NAALADL2: variants seen among roughly 807,000 people sequenced by gnomAD.
NAALADL2 encodes the protein N-acetylated alpha-linked acidic dipeptidase like 2.
A neutral mutation model predicts 87.2 loss-of-function variants in NAALADL2; 76 were observed. That is an observed-to-expected ratio of 0.87 (90% confidence interval 0.72 to 1.05). The LOEUF is 1.05. Among genes scored for constraint, NAALADL2 ranks in the 50% least tolerant of loss-of-function variants. The pLI, the probability that NAALADL2 is intolerant of heterozygous loss-of-function variation, is 0.00. For synonymous variants in NAALADL2, 354 were observed against 331.0 expected (o/e 1.07, Z -0.75); for missense variants, 1,089 against 945.8 (o/e 1.15, Z -1.99).
chr3:174,598,061 G>T (rs1329568073), intron 2 of NAALADL2, among the ~76,000 whole-genome samples: 1 of 151,918 alleles, frequency 6.6e-6, no homozygotes, highest in Non-Finnish European at 1.5e-5. Flanking sequence ...TTCAGTATTT[G>T]CCAGTTAGCT....
At chr3:174,853,947 T>C (rs1725565744) in intron 3 of NAALADL2, among the ~76,000 whole-genome samples, 1 of 152,086 alleles carries the variant, frequency 6.6e-6, no homozygotes, top group South Asian at 2.1e-4. Context: ...TAAATTATTA[T>C]AGTCAGTATG....
At chr3:175,008,722 G>A (rs935116839) in intron 1 of NAALADL2, among the ~76,000 whole-genome samples, 1 of 96,322 alleles carries the variant, frequency 1.0e-5, no homozygotes. Context: ...ACCCTACAAC[G>A]TTATAGGGTA....
chr3:175,793,403 G>A (rs1228138337), intron 13 of NAALADL2, among the ~76,000 whole-genome samples: 4 of 147,406 alleles, frequency 2.7e-5, no homozygotes, highest in Non-Finnish European at 5.9e-5. Context: ...TCGGCCACCC[G>A]TGTTCACGCC....
chr3:174,868,121 A>G (rs1296307404), intron 1 of NAALADL2, among the ~76,000 whole-genome samples: 1 of 152,116 alleles, frequency 6.6e-6, no homozygotes, highest in African/African-American at 2.4e-5. Context: ...CATCTAATGT[A>G]ACTGCATCTA....
chr3:174,655,796 GAATTT>G (rs1411645409), intron 2 of NAALADL2, among the ~76,000 whole-genome samples: 1 of 152,040 alleles, frequency 6.6e-6, no homozygotes, highest in Non-Finnish European at 1.5e-5. Flanking sequence ...CTAAAAAAGA[GAATTT>G]AAATTACCTT....
intron 3 of NAALADL2, among the ~76,000 whole-genome samples, chr3:174,818,210 C>A (rs1023657807): frequency 2.6e-5 from 4 of 152,096 alleles, no homozygotes; most frequent in Non-Finnish European, 5.9e-5. Context: ...TTCATCTTTG[C>A]AGCCAAATAG....
At chr3:174,888,643 G>A (rs770970874) in intron 1 of NAALADL2, among the ~76,000 whole-genome samples, 2 of 152,142 alleles carry the variant, frequency 1.3e-5, no homozygotes, top group African/African-American at 2.4e-5. Context: ...ATCATTCGGG[G>A]CATTTATTTT....
At chr3:174,582,457 A>T (rs1410803017) in intron 2 of NAALADL2, among the ~76,000 whole-genome samples, 1 of 152,232 alleles carries the variant, frequency 6.6e-6, no homozygotes, top group African/African-American at 2.4e-5. Context: ...TAATAGTTTG[A>T]ATATACCAAC....
At chr3:174,619,181 T>C (rs1235282733) in intron 2 of NAALADL2, among the ~76,000 whole-genome samples, 1 of 151,940 alleles carries the variant, frequency 6.6e-6, no homozygotes, top group Non-Finnish European at 1.5e-5. Context: ...TACTCTCTTG[T>C]TACAGATGTT....
At chr3:174,878,851 G>C (rs544262063) in intron 1 of NAALADL2, among the ~76,000 whole-genome samples, 1 of 152,104 alleles carries the variant, frequency 6.6e-6, no homozygotes, top group African/African-American at 2.4e-5. Context: ...GTGATTATTT[G>C]TCATTCAAAA....
chr3:175,080,894 T>G (rs1717668937), intron 1 of NAALADL2, among the ~76,000 whole-genome samples: 1 of 152,214 alleles, frequency 6.6e-6, no homozygotes, highest in African/African-American at 2.4e-5. Flanking sequence ...AAGATTGAAT[T>G]TTGCCTTTAG....
In NAALADL2 at chr3:175,618,923, G is replaced by A. The variant is rs140957485; in HGVS notation, c.1801-8368G>A. On this transcript the variant is annotated intron_variant, in intron 10 of 13. Transcript: ENST00000454872. ...TCTCCACCCATGAAGTGGGAAGACC[G>A]AGTCAGAAGGGATAGTCATGCTCAC... Among the ~76,000 whole-genome samples the A allele has an allele frequency of 8.8e-4, 134 of 152,302 alleles. 1 individual carries two copies. Among genetic ancestry groups the A allele is most frequent in the Admixed American group, 2.9e-3 (45 of 15,302 alleles).
chr3:174,598,922 C>A (rs538919925), intron 2 of NAALADL2, among the ~76,000 whole-genome samples: 1 of 152,136 alleles, frequency 6.6e-6, no homozygotes, highest in Non-Finnish European at 1.5e-5. Context: ...TCTGTGGCAG[C>A]CATAAGCATG....
intron 2 of NAALADL2, among the ~76,000 whole-genome samples, chr3:174,576,751 G>A (rs1055697749): frequency 6.6e-6 from 1 of 152,146 alleles, no homozygotes; most frequent in Non-Finnish European, 1.5e-5. Context: ...GTAATACACT[G>A]AAGTAAGGTT....
chr3:174,911,755 A>T (rs1733737244), intron 1 of NAALADL2, among the ~76,000 whole-genome samples: 1 of 152,060 alleles, frequency 6.6e-6, no homozygotes, highest in Admixed American at 6.6e-5. Context: ...TCCTTTTTTA[A>T]ACTGGTAATA....
intron 1 of NAALADL2, among the ~76,000 whole-genome samples, chr3:175,059,119 G>T (rs1712876019): frequency 6.6e-6 from 1 of 151,268 alleles, no homozygotes; most frequent in African/African-American, 2.5e-5. Flanking sequence ...TGAAGTCATT[G>T]CTTTTTAAAG....
chr3:175,501,047 T>A (rs1420377810), intron 9 of NAALADL2, among the ~76,000 whole-genome samples: 1 of 152,000 alleles, frequency 6.6e-6, no homozygotes, highest in Admixed American at 6.6e-5. Flanking sequence ...AGATGACAGA[T>A]GAAGTTTTGA....
At chr3:174,963,048 C>A (rs77771046) in intron 1 of NAALADL2, among the ~76,000 whole-genome samples, 3 of 151,862 alleles carry the variant, frequency 2.0e-5, no homozygotes, top group African/African-American at 4.8e-5. Context: ...TTATTTTATG[C>A]GTCCAATTAT....
At chr3:175,203,688 G>A (rs112123870) in intron 2 of NAALADL2, among the ~76,000 whole-genome samples, 1 of 146,444 alleles carries the variant, frequency 6.8e-6, no homozygotes, top group Non-Finnish European at 1.5e-5. Flanking sequence ...AATATTGATA[G>A]ACCTTTAGCA....
Sources: allele counts gnomAD v4.1 joint callset (sites outside exome capture counted in the v4.1 genomes callset), GRCh38; gene constraint gnomAD v4.1.1; transcripts MANE v1.5; gene names NCBI Gene and HGNC (gene_info 2026-07-23, HGNC 2026-07-21).